Variants in SPHKAP observed in about 807,000 individuals in gnomAD.
The protein encoded by SPHKAP is SPHK1 interactor, AKAP domain containing.
Under a neutral mutation model 137.5 loss-of-function variants are expected in SPHKAP, and 67 were observed. The observed-to-expected ratio is 0.49, with a 90% CI of 0.40 to 0.60. SPHKAP has a LOEUF of 0.60. Ranked by LOEUF, SPHKAP falls within the 20% of genes least tolerant of loss-of-function variation. The pLI is 0.00. For synonymous variants in SPHKAP, 813 were observed against 785.3 expected, an observed-to-expected ratio of 1.04 and a Z score of -0.59; for missense variants, 2,097 against 2,069.3, an observed-to-expected ratio of 1.01 and a Z score of -0.26.
intron 3 of SPHKAP, among the ~76,000 whole-genome samples, chr2:228,102,812 A>G (rs533966908): frequency 2.6e-5 from 4 of 152,058 alleles, no homozygotes; most frequent in Non-Finnish European, 5.9e-5. Context: ...GTGTGATTAT[A>G]GCTCACTGCT....
In SPHKAP at chr2:228,102,860, A is replaced by G. The variant is rs536766293; in HGVS notation, c.246+5972T>C. On this transcript the variant is annotated intron_variant, in intron 3 of 11. Transcript: ENST00000392056. ...TGGCCTCCAGTGATCTCTCACCCCA[A>G]CCTCCCAAATAGCTGGGACTACAGG... Among the ~76,000 whole-genome samples, 117 of 152,114 alleles carry G rather than the reference A, an allele frequency of 7.7e-4. 1 individual carries two copies. The highest frequency in any genetic ancestry group is 2.8e-3 in the African/African-American group (115 of 41,504).
At chr2:228,048,243 C>A (rs770383724) in intron 3 of SPHKAP, among the ~76,000 whole-genome samples, 4 of 150,962 alleles carry the variant, frequency 2.6e-5, no homozygotes, top group Admixed American at 1.3e-4. Flanking sequence ...TCAACCCTGA[C>A]GTAAAACTCA....
At chr2:228,063,243 C>T (rs1046722394) in intron 3 of SPHKAP, among the ~76,000 whole-genome samples, 5 of 151,472 alleles carry the variant, frequency 3.3e-5, no homozygotes, top group Admixed American at 2.6e-4. Context: ...TATCTACCTA[C>T]CTATCTGCCA....
rs926176221 is a variant in SPHKAP, at chr2:228,021,733, G to A, written c.675C>T (p.Ser225=). Residue 225 remains serine (S), a synonymous_variant, in exon 6 of 12, where the codon AGC becomes AGT. Coordinates refer to ENST00000392056, the MANE Select transcript of SPHKAP (RefSeq NM_001142644.2). ...LTASEHLEEE[S]EVDESRNDYE... The stretch of plus-strand genomic sequence containing the variant: ...CACCGTTCCTAGATTCATCCACCTC[G>A]CTTTCCTCCTCCAAGTGCTCAGAAG... 43 of 1,613,294 alleles carry A rather than the reference G, an allele frequency of 2.7e-5. No individual in the cohort carries two copies. Among genetic ancestry groups the A allele is most frequent in the Admixed American group, 5.0e-5 (3 of 59,902 alleles).
chr2:228,156,833 G>A (rs1270472666), intron 1 of SPHKAP, among the ~76,000 whole-genome samples: 1 of 152,120 alleles, frequency 6.6e-6, no homozygotes, highest in African/African-American at 2.4e-5. Context: ...TTGTCACCAT[G>A]TAAGACGTGG....
chr2:228,054,613 G>A (rs1208857952), intron 3 of SPHKAP, among the ~76,000 whole-genome samples: 1 of 152,046 alleles, frequency 6.6e-6, no homozygotes, highest in Non-Finnish European at 1.5e-5. Flanking sequence ...CACACGTTTG[G>A]TTCACTAACC....
chr2:228,145,976 A>G (rs974480190), intron 1 of SPHKAP, among the ~76,000 whole-genome samples: 3 of 152,198 alleles, frequency 2.0e-5, no homozygotes, highest in African/African-American at 7.2e-5. Flanking sequence ...ATTTAATTAC[A>G]TGATCCTCGG....
At chr2:228,027,624 G>T in intron 3 of SPHKAP, 81 bp from the exon 4 acceptor site, 1 of 1,393,746 alleles carries the variant, frequency 7.2e-7, no homozygotes, top group Admixed American at 1.7e-5. Context: ...GGAATCAGTT[G>T]GGGCAAATGC....
chr2:228,033,558 C>T (rs1373792593), intron 3 of SPHKAP, among the ~76,000 whole-genome samples: 2 of 152,172 alleles, frequency 1.3e-5, no homozygotes, highest in Non-Finnish European at 2.9e-5. Flanking sequence ...GTCTCCACCC[C>T]AAATCAATAG....
chr2:228,018,266 G>A lies in SPHKAP; in HGVS notation c.2588C>T (p.Pro863Leu). ...ACCACTTCTGGACTGGCTGACCGTTGGGGACCTTTGTCCTTCGGAAGAGGC... is the reference window on the plus strand; with the variant it reads ...ACCACTTCTGGACTGGCTGACCGTTAGGGACCTTTGTCCTTCGGAAGAGGC... ...CRASSEGQRS[P>L]TVSQSRSGSQ... is the part of the protein sequence containing the mutation. The change falls in exon 7 of 12, where the codon CCA becomes CTA. Residue 863 changes from proline to leucine, a missense_variant. Physicochemically the swap from Pro to Leu is moderately conservative, Grantham distance 98. Coordinates refer to ENST00000392056, the MANE Select transcript of SPHKAP (RefSeq NM_001142644.2). 6.2e-7 allele frequency: 1 copy of A among 1,614,136 alleles called. No individual in the cohort carries two copies. The highest frequency in any genetic ancestry group is 1.1e-5 in the South Asian group (1 of 91,078).
intron 2 of SPHKAP, among the ~76,000 whole-genome samples, chr2:228,119,875 G>A (rs68161009): frequency 0.34 from 52,336 of 151,816 alleles, 9,295 homozygotes; most frequent in East Asian, 0.5. Flanking sequence ...TTGACAAAAA[G>A]GAGAAATTGC....
chr2:228,135,640 GT>G (rs1004255697), intron 1 of SPHKAP, among the ~76,000 whole-genome samples: 5 of 151,710 alleles, frequency 3.3e-5, no homozygotes, highest in South Asian at 2.1e-4. Context: ...GAATTAGAAA[GT>G]TTTTTTTTGC....
chr2:228,136,611 G>A (rs1263160443), intron 1 of SPHKAP, among the ~76,000 whole-genome samples: 9 of 152,138 alleles, frequency 5.9e-5, no homozygotes, highest in South Asian at 2.1e-4. Context: ...TTTGGTCCAC[G>A]GACCAGCAGC....
chr2:228,010,212 A>T (rs1010640278), intron 7 of SPHKAP, among the ~76,000 whole-genome samples: 5 of 152,140 alleles, frequency 3.3e-5, no homozygotes, highest in Admixed American at 6.5e-5. Flanking sequence ...TCAGTTGTTT[A>T]ATTCTGACCA....
chr2:228,121,446 T>A (rs1389637339), intron 2 of SPHKAP, among the ~76,000 whole-genome samples: 2 of 152,016 alleles, frequency 1.3e-5, no homozygotes, highest in Non-Finnish European at 2.9e-5. Flanking sequence ...AGCCCAGGAG[T>A]TCGAGGCCAC....
chr2:228,133,831 A>T (rs938581651), intron 1 of SPHKAP, among the ~76,000 whole-genome samples: 1 of 152,294 alleles, frequency 6.6e-6, no homozygotes, highest in East Asian at 1.9e-4. Flanking sequence ...ATGACATTTT[A>T]AAAAATGACC....
intron 1 of SPHKAP, among the ~76,000 whole-genome samples, chr2:228,133,612 T>C (rs575491438): frequency 3.0e-4 from 46 of 152,342 alleles, no homozygotes; most frequent in African/African-American, 1.1e-3. Context: ...TTTTGGAACA[T>C]AATCTGATAG....
In SPHKAP at chr2:228,010,017, T is replaced by C. The variant is rs563798965; in HGVS notation, c.4448+6389A>G. 2.6e-5 allele frequency among the ~76,000 whole-genome samples: 4 copies of C among 152,268 alleles called. No homozygotes were observed. The East Asian group carries it at 7.7e-4, about 29-fold the overall frequency. ...GCTTCCTGTGCAGATTCCTCTTCTT[T>C]CTCTGCATATCTCCCTCTAGTCTGT... On this transcript the variant is annotated intron_variant, in intron 7 of 11. Transcript: ENST00000392056.
At chr2:228,171,063 G>A (rs1700570464) in intron 1 of SPHKAP, among the ~76,000 whole-genome samples, 1 of 152,082 alleles carries the variant, frequency 6.6e-6, no homozygotes, top group South Asian at 2.1e-4. Flanking sequence ...AAATAAGGAG[G>A]TGAGAAATTG....
Sources: gnomAD v4.1 joint callset for allele counts (sites outside exome capture counted in the v4.1 genomes callset) on GRCh38, gnomAD v4.1.1 for gene constraint, MANE v1.5 for transcripts, NCBI Gene and HGNC (gene_info 2026-07-23, HGNC 2026-07-21) for gene names.